CYP4X1: variants seen among roughly 807,000 people sequenced by gnomAD.
The protein encoded by CYP4X1 is cytochrome P450 family 4 subfamily X member 1, also known as cytochrome P450 4X1.
In CYP4X1, 44 loss-of-function variants were observed where a neutral mutation model predicts 57.9. The ratio of observed to expected loss-of-function variants is 0.76; its 90% CI spans 0.60 to 0.98. CYP4X1 has a LOEUF of 0.98. Among genes scored for constraint, CYP4X1 ranks in the 50% least tolerant of loss-of-function variants. The probability of loss-of-function intolerance (pLI) is 0.00; values close to 1 mark genes in which losing one functional copy is unlikely to be tolerated. For synonymous variants in CYP4X1, 227 were observed against 228.6 expected (o/e 0.99, Z 0.06); for missense variants, 532 against 623.9 (o/e 0.85, Z 1.57).
intron 6 of CYP4X1, among the ~76,000 whole-genome samples, chr1:47,037,162 A>G (rs1644192658): frequency 6.6e-6 from 1 of 152,224 alleles, no homozygotes; most frequent in Admixed American, 6.5e-5. Flanking sequence ...AACTTTGTAA[A>G]AAAAAATCTT....
intron 8 of CYP4X1, among the ~76,000 whole-genome samples, chr1:47,044,781 TG>T (rs1644282915): frequency 6.6e-6 from 1 of 152,246 alleles, no homozygotes; most frequent in East Asian, 1.9e-4. Flanking sequence ...TGGACAAAAT[TG>T]TTTTTTTAAT....
intron 6 of CYP4X1, among the ~76,000 whole-genome samples, chr1:47,036,605 A>G (rs1029669735): frequency 2.6e-5 from 4 of 152,084 alleles, no homozygotes; most frequent in Admixed American, 1.3e-4. Context: ...GCAAGCATAA[A>G]CACAAAAGTT....
the CYP4X1 span, among the ~76,000 whole-genome samples, chr1:46,986,171 A>C: frequency 2.0e-5 from 3 of 152,210 alleles, no homozygotes; most frequent in African/African-American, 7.2e-5. Context: ...TTAGAGAAGA[A>C]TGTAAATGAC....
the CYP4X1 span, among the ~76,000 whole-genome samples, chr1:46,969,461 C>G: frequency 9.2e-5 from 14 of 152,300 alleles, 1 homozygote; most frequent in South Asian, 2.9e-3. Context: ...GGAGGAAGTA[C>G]TCATCCTGGG....
chr1:46,986,700 A>C, the CYP4X1 span, among the ~76,000 whole-genome samples: 9 of 152,220 alleles, frequency 5.9e-5, no homozygotes, highest in Non-Finnish European at 1.3e-4. Context: ...CAGAAATCCT[A>C]CAAGCTAGAA....
At chr1:47,033,444 G>T in intron 4 of CYP4X1, 76 bp downstream of exon 4, 1 of 1,529,474 alleles carries the variant, frequency 6.5e-7, no homozygotes. Context: ...TGTGTTTTGT[G>T]GGCCATGAAA....
the CYP4X1 span, among the ~76,000 whole-genome samples, chr1:46,965,405 CT>C: frequency 7.1e-6 from 1 of 140,048 alleles, no homozygotes; most frequent in Admixed American, 6.9e-5. Context: ...TGCCCCCACT[CT>C]TTTTTGTTGA....
rs1315487171 is a variant in CYP4X1 at position 47,033,260 on chromosome 1, A to T, written c.384A>T (p.Leu128=). 1 of 1,613,726 alleles carries T rather than the reference A, an allele frequency of 6.2e-7. No homozygotes were observed. The highest frequency in any genetic ancestry group is 1.1e-5 in the South Asian group (1 of 91,042). The change falls in exon 4 of 12, where the codon CTA becomes CTT. Residue 128 remains leucine (L), a synonymous_variant. Coordinates refer to ENST00000371901, the MANE Select transcript of CYP4X1 (RefSeq NM_178033.2). ...PPLLGKGLAA[L]DGPKWFQHRR... ...CTCAAGGAAAAGGACTAGCGGCTCTAGACGGACCCAAGTGGTTCCAGCATC... is the reference window on the plus strand; with the variant it reads ...CTCAAGGAAAAGGACTAGCGGCTCTTGACGGACCCAAGTGGTTCCAGCATC...
chr1:46,987,180 A>G, the CYP4X1 span, among the ~76,000 whole-genome samples: 2 of 152,190 alleles, frequency 1.3e-5, no homozygotes, highest in African/African-American at 4.8e-5. Context: ...AAAGGGATGG[A>G]GGAATATTTA....
the CYP4X1 span, among the ~76,000 whole-genome samples, chr1:46,974,960 A>G: frequency 6.6e-6 from 1 of 152,156 alleles, no homozygotes; most frequent in Non-Finnish European, 1.5e-5. Flanking sequence ...GTATATATAT[A>G]TGAGGTATAC....
chr1:47,006,390 C>T, the CYP4X1 span, among the ~76,000 whole-genome samples: 6 of 152,200 alleles, frequency 3.9e-5, no homozygotes, highest in African/African-American at 7.2e-5. Context: ...TCCCAGAAAG[C>T]GTTATGTTAT....
At chr1:46,997,636 C>T in the CYP4X1 span, among the ~76,000 whole-genome samples, 2 of 152,168 alleles carry the variant, frequency 1.3e-5, no homozygotes, top group African/African-American at 4.8e-5. Flanking sequence ...TGATTCAATG[C>T]CTTTACTATT....
chr1:47,051,112 CA>C (rs1644356976), downstream of CYP4X1, among the ~76,000 whole-genome samples: 1 of 152,058 alleles, frequency 6.6e-6, no homozygotes, highest in Non-Finnish European at 1.5e-5. Context: ...TTTACGCAGC[CA>C]AAAGACACAT....
chr1:46,997,847 T>C, the CYP4X1 span, among the ~76,000 whole-genome samples: 1 of 152,164 alleles, frequency 6.6e-6, no homozygotes, highest in Non-Finnish European at 1.5e-5. Flanking sequence ...CTTTTCTACG[T>C]ATCTTTGCCA....
At position 47,048,702 on chromosome 1, in the gene CYP4X1, C is replaced by T. The variant is rs1463688297; in HGVS notation, c.1272+73C>T. 5 of 1,362,864 alleles carry T rather than the reference C, an allele frequency of 3.7e-6. No homozygotes were observed. The African/African-American group carries it at 7.3e-5, about 20-fold the overall frequency. The allele number at this position is 1,362,864 out of a possible 1,614,324, so 84.4% of individuals were successfully genotyped here. ...CAAGTCACTTTTTGGTAGCTAAGCA[C>T]AGAAGTGGCTATATAATTAAGGGAA... On this transcript the variant is annotated intron_variant, in intron 10 of 11. Coordinates refer to ENST00000371901, the MANE Select transcript of CYP4X1 (RefSeq NM_178033.2).
At chr1:47,049,575 C>T (rs1205875065) in intron 11 of CYP4X1, 71 bp downstream of exon 11, 12 of 1,325,402 alleles carry the variant, frequency 9.1e-6, no homozygotes, top group Admixed American at 1.7e-5. Context: ...CCTTTCAGCT[C>T]CTCAGCTCTA....
the CYP4X1 span, among the ~76,000 whole-genome samples, chr1:47,003,829 A>T: frequency 2.6e-5 from 4 of 152,164 alleles, no homozygotes; most frequent in Non-Finnish European, 4.4e-5. Context: ...AGAGATAAAT[A>T]TCCAAACTAT....
the CYP4X1 span, among the ~76,000 whole-genome samples, chr1:46,974,881 A>T: frequency 6.6e-6 from 1 of 151,482 alleles, no homozygotes; most frequent in Non-Finnish European, 1.5e-5. Context: ...TGCTTTTTAA[A>T]TTTTTTTAAA....
chr1:47,006,658 G>A, the CYP4X1 span, among the ~76,000 whole-genome samples: 2,694 of 152,248 alleles, frequency 0.018, 57 homozygotes, highest in East Asian at 0.047. Flanking sequence ...GAAGTGCAAG[G>A]GGTCAGGGAA....
Sources: gnomAD v4.1 joint callset for allele counts (sites outside exome capture counted in the v4.1 genomes callset) on GRCh38, gnomAD v4.1.1 for gene constraint, MANE v1.5 for transcripts, NCBI Gene and HGNC (gene_info 2026-07-23, HGNC 2026-07-21) for gene names.